The following SERPINB4 variants were observed in gnomAD, a reference collection of about 807,000 sequenced individuals.
The protein encoded by SERPINB4 is serpin family B member 4.
SERPINB4 carries 39 observed loss-of-function variants against 33.2 expected under a neutral mutation model. The ratio of observed to expected loss-of-function variants is 1.18; its 90% CI spans 0.91 to 1.53. The LOEUF (loss-of-function observed/expected upper bound fraction) is 1.53. SERPINB4 is among the 40% of genes most tolerant of loss of function. The probability of loss-of-function intolerance (pLI) is 0.00; values close to 1 mark genes in which losing one functional copy is unlikely to be tolerated. For missense variants in SERPINB4, 564 were observed against 455.4 expected, an observed-to-expected ratio of 1.24 and a Z score of -2.17; for synonymous variants, 191 against 166.4, an observed-to-expected ratio of 1.15 and a Z score of -1.14.
In SERPINB4 at chr18:63,637,925, G is replaced by A. The variant is rs1371137589; in HGVS notation, c.967C>T (p.Leu323Phe). The change falls in exon 8 of 8, where the codon CTC (leucine) becomes TTC (phenylalanine). Residue 323 changes from leucine to phenylalanine, a missense_variant. Leu to Phe is a conservative substitution (Grantham distance 22). Transcript: ENST00000341074. The part of the protein sequence containing the change: ...DLSGMTWSHG[L>F]SVSKVLHKAF... ...TTGTGTAGGACTTTAGATACTGAGA[G>A]ACCGTGGCTCCAGGTCATGCCTGAG... The A allele has an allele frequency of 4.3e-6, 7 of 1,613,614 alleles. No homozygotes were observed. The highest frequency in any genetic ancestry group is 4.2e-6 in the Non-Finnish European group (5 of 1,179,756).
chr18:63,639,126 T>C, intron 7 of SERPINB4, 59 bp downstream of exon 7: 1 of 1,520,126 alleles, frequency 6.6e-7, no homozygotes, highest in Non-Finnish European at 8.9e-7. Context: ...TGTTTAAACT[T>C]GGTATCTTTG....
intron 3 of SERPINB4, among the ~76,000 whole-genome samples, chr18:63,642,591 A>G (rs772789286): frequency 4.6e-5 from 7 of 152,098 alleles, no homozygotes; most frequent in Non-Finnish European, 1.0e-4. Flanking sequence ...ATTTTGCACT[A>G]TTAAGGCTCT....
intron 7 of SERPINB4, 88 bp downstream of exon 7, chr18:63,639,097 C>A (rs756869513): frequency 1.4e-6 from 2 of 1,388,896 alleles, no homozygotes; most frequent in African/African-American, 1.4e-5. Context: ...TGAGGCAACT[C>A]GGTCATAAGC....
intron 3 of SERPINB4, 128 bp downstream of exon 3, chr18:63,643,031 CTG>C (rs1286506291): frequency 9.1e-7 from 1 of 1,098,104 alleles, no homozygotes; most frequent in Non-Finnish European, 1.3e-6. Flanking sequence ...CCAACCCACT[CTG>C]TATGTCTCAA....
At chr18:63,638,543 C>T (rs1913016743) in intron 7 of SERPINB4, among the ~76,000 whole-genome samples, 1 of 151,828 alleles carries the variant, frequency 6.6e-6, no homozygotes. Context: ...GTACACATTG[C>T]AATTATTAAA....
At chr18:63,643,711 T>C (rs1350867626) in intron 1 of SERPINB4, 108 bp from the exon 2 acceptor site, 1 of 1,248,256 alleles carries the variant, frequency 8.0e-7, no homozygotes, top group Non-Finnish European at 1.1e-6. Flanking sequence ...GATTTTGACA[T>C]TTAAAGTTTT....
chr18:63,639,717 C>A lies in SERPINB4; in HGVS notation c.529G>T (p.Val177Leu). The part of the protein sequence containing the change: ...TIGNDTTLVL[V>L]NAIYFKGQWE... ...TGCCCTTTGAAATAGATTGCGTTCA[C>A]AAGAACCAGTGTCGTATCATTGCCA... Residue 177 changes from valine (V) to leucine (L), a missense_variant, in exon 6 of 8, where the codon GTG becomes TTG. Val to Leu is a conservative substitution (Grantham distance 32, BLOSUM62 1). Coordinates refer to ENST00000341074, the MANE Select transcript of SERPINB4 (RefSeq NM_002974.4). 6.2e-7 allele frequency: 1 copy of A among 1,611,962 alleles called. No individual in the cohort carries two copies. The highest frequency in any genetic ancestry group is 8.5e-7 in the Non-Finnish European group (1 of 1,178,468).
intron 2 of SERPINB4, 69 bp from the exon 3 acceptor site, chr18:63,643,286 G>C: frequency 1.2e-6 from 2 of 1,612,110 alleles, no homozygotes; most frequent in Non-Finnish European, 1.7e-6. Flanking sequence ...TGGTCTCACA[G>C]TTATGGGAAT....
chr18:63,642,642 T>C (rs577168874), intron 3 of SERPINB4, among the ~76,000 whole-genome samples: 438 of 152,238 alleles, frequency 2.9e-3, no homozygotes, highest in African/African-American at 9.5e-3. Context: ...CAAAATATAC[T>C]TGGACTTGTG....
rs1015865610 is a variant in SERPINB4, at chr18:63,637,709, C to T, written c.*10G>A. ...AACATTTTCTAAATGGAGTGACAGA[C>T]TAATTGCATCTATGGGGATGAGAAT... is the stretch of plus-strand genomic sequence containing the variant. On this transcript the variant is annotated 3_prime_UTR_variant, in exon 8 of 8. Transcript: ENST00000341074. 2 of 1,586,450 alleles carry T rather than the reference C, an allele frequency of 1.3e-6. No individual in the cohort carries two copies. Among genetic ancestry groups the T allele is most frequent in the East Asian group, 2.2e-5 (1 of 44,692 alleles).
chr18:63,637,869 C>T lies in SERPINB4; in HGVS notation c.1023G>A (p.Val341=), dbSNP rs771627663. 2 of 1,613,388 alleles carry T rather than the reference C, an allele frequency of 1.2e-6. No homozygotes were observed. The highest frequency in any genetic ancestry group is 2.2e-5 in the East Asian group (1 of 44,868). The stretch of plus-strand genomic sequence containing the variant: ...CTACAGCGGTGGCAGCTGCAGCTTC[C>T]ACTCCCTCCTCAGTGACCTCCACAA... The part of the protein sequence containing the change: ...KAFVEVTEEG[V]EAAAATAVVV... Residue 341 remains valine, a synonymous_variant, in exon 8 of 8, where the codon GTG becomes GTA. Transcript: ENST00000341074.
intron 7 of SERPINB4, among the ~76,000 whole-genome samples, chr18:63,638,451 T>C (rs901534201): frequency 2.6e-5 from 4 of 152,050 alleles, no homozygotes; most frequent in Non-Finnish European, 5.9e-5. Flanking sequence ...GAACTGTATG[T>C]ATCACTATTT....
At position 63,639,695 on chromosome 18, in the gene SERPINB4, C is replaced by A. The variant is rs771366553; in HGVS notation, c.551G>T (p.Gly184Val). 6.2e-7 allele frequency: 1 copy of A among 1,611,870 alleles called. No individual in the cohort carries two copies. The highest frequency in any genetic ancestry group is 1.7e-5 in the Admixed American group (1 of 59,840). ...TTTTTTAAATTTATTCTCCCACTGC[C>A]CTTTGAAATAGATTGCGTTCACAAG... Reference protein sequence around the residue: ...LVLVNAIYFKGQWENKFKKEN... With the variant: ...LVLVNAIYFKVQWENKFKKEN... Residue 184 changes from glycine to valine, a missense_variant, in exon 6 of 8, where the codon GGG becomes GTG. Gly to Val is a moderately radical substitution (Grantham distance 109). Transcript: ENST00000341074.
intron 3 of SERPINB4, among the ~76,000 whole-genome samples, chr18:63,642,101 C>T (rs1913154458): frequency 6.6e-6 from 1 of 152,098 alleles, no homozygotes; most frequent in Non-Finnish European, 1.5e-5. Flanking sequence ...CTCTAACGTA[C>T]TGCAATCTTT....
intron 3 of SERPINB4, 73 bp downstream of exon 3, chr18:63,643,088 T>G (rs1359258962): frequency 3.5e-5 from 56 of 1,595,594 alleles, no homozygotes; most frequent in Non-Finnish European, 4.7e-5. Context: ...TTTCTTAGTT[T>G]TTGTGAAGTT....
intron 1 of SERPINB4, 38 bp from the exon 2 acceptor site, chr18:63,643,641 T>A: frequency 6.4e-7 from 1 of 1,565,608 alleles, no homozygotes; most frequent in Non-Finnish European, 8.7e-7. Flanking sequence ...ATGACTTTAA[T>A]AAATGGAATG....
chr18:63,642,444 T>C (rs561370595), intron 3 of SERPINB4, among the ~76,000 whole-genome samples: 3 of 152,154 alleles, frequency 2.0e-5, no homozygotes, highest in South Asian at 2.1e-4. Context: ...ACTCTAAGTC[T>C]TTAGTTCAAT....
intron 4 of SERPINB4, among the ~76,000 whole-genome samples, 157 bp from the exon 5 acceptor site, chr18:63,641,148 C>G (rs575335103): frequency 3.6e-4 from 55 of 152,080 alleles, no homozygotes; most frequent in African/African-American, 1.3e-3. Context: ...GTCATGTAGG[C>G]AATGCAAAAG....
Position 63,639,637 on chromosome 18 carries a change from G to A in SERPINB4, c.609C>T (p.Asn203=), listed in dbSNP as rs1913057479. ...ENTKEEKFWP[N]KNTYKSVQMM... ...ATAAATAAAATATAGACAATACCTT[G>A]TTTGGCCAAAATTTTTCCTCTTTAG... Residue 203 remains asparagine, a synonymous_variant, in exon 6 of 8, where the codon AAC becomes AAT. Transcript: ENST00000341074. The A allele has an allele frequency of 6.3e-7, 1 of 1,591,246 alleles. No individual in the cohort carries two copies. Among genetic ancestry groups the A allele is most frequent in the South Asian group, 1.1e-5 (1 of 90,174 alleles).
Sources: allele counts gnomAD v4.1 joint callset (sites outside exome capture counted in the v4.1 genomes callset), GRCh38; gene constraint gnomAD v4.1.1; transcripts MANE v1.5; gene names NCBI Gene and HGNC (gene_info 2026-07-23, HGNC 2026-07-21).